The following NDST3 variants were observed in gnomAD, a reference collection of about 807,000 sequenced individuals.
NDST3 encodes N-deacetylase and N-sulfotransferase 3.
NDST3 carries 58 observed loss-of-function variants against 96.1 expected under a neutral mutation model. That is an observed-to-expected ratio of 0.60 (90% CI 0.49 to 0.75). NDST3 has a LOEUF of 0.75. Ranked by LOEUF, NDST3 falls within the 30% of genes least tolerant of loss-of-function variation. The probability of loss-of-function intolerance (pLI) is 0.00; values close to 1 mark genes in which losing one functional copy is unlikely to be tolerated. For missense variants in NDST3, 788 were observed against 1,034.2 expected (o/e 0.76, Z 3.27); for synonymous variants, 333 against 359.7 (o/e 0.93, Z 0.84).
At chr4:118,153,653 G>C (rs986323685) in intron 6 of NDST3, among the ~76,000 whole-genome samples, 1 of 151,956 alleles carries the variant, frequency 6.6e-6, no homozygotes, top group Non-Finnish European at 1.5e-5. Flanking sequence ...GTGAAACCCA[G>C]TCTATACTAA....
At chr4:118,130,072 G>C (rs1440983129) in intron 4 of NDST3, among the ~76,000 whole-genome samples, 2 of 151,982 alleles carry the variant, frequency 1.3e-5, no homozygotes, top group African/African-American at 4.8e-5. Context: ...CAGTCTATGT[G>C]TATCTTTATA....
At position 118,257,048 on chromosome 4, in the gene NDST3, ACATTTC is replaced by A. The variant is rs1318654906; in HGVS notation, c.*1337_*1342del. On this transcript the variant is annotated 3_prime_UTR_variant, in exon 14 of 14. Coordinates refer to ENST00000296499, the MANE Select transcript of NDST3 (RefSeq NM_004784.3). The stretch of plus-strand genomic sequence containing the variant: ...CAAGTCATGCTCTTGAAATATATTT[ACATTTC>A]AATTGTAAATAATATATATGGTTAA... 6.6e-6 allele frequency: 1 copy of A among 152,214 alleles called. No homozygotes were observed. The highest frequency in any genetic ancestry group is 1.5e-5 in the Non-Finnish European group (1 of 68,040). 9.4% of individuals were successfully genotyped at this position (152,214 alleles called of 1,614,324 possible).
chr4:118,128,914 G>A (rs1732357669), intron 4 of NDST3, among the ~76,000 whole-genome samples: 1 of 151,860 alleles, frequency 6.6e-6, no homozygotes, highest in Non-Finnish European at 1.5e-5. Context: ...TTCAATTTTG[G>A]TAGGTTGTAT....
At chr4:118,055,086 T>G (rs1351257810) in intron 2 of NDST3, 195 bp downstream of exon 2, 1 of 702,674 alleles carries the variant, frequency 1.4e-6, no homozygotes, top group South Asian at 1.8e-5. Flanking sequence ...AAAATAAAGA[T>G]TTTACTAAAA....
chr4:118,182,423 G>GT (rs1273972093), intron 6 of NDST3, among the ~76,000 whole-genome samples: 1 of 152,134 alleles, frequency 6.6e-6, no homozygotes, highest in East Asian at 1.9e-4. Flanking sequence ...GCCACAGGTA[G>GT]TAATGACAGT....
chr4:118,096,264 G>A (rs1290803611), intron 2 of NDST3, among the ~76,000 whole-genome samples: 1 of 151,796 alleles, frequency 6.6e-6, no homozygotes, highest in East Asian at 1.9e-4. Context: ...TGTATTGAAT[G>A]CATGTCACTT....
intron 6 of NDST3, among the ~76,000 whole-genome samples, chr4:118,156,215 C>T (rs1387658736): frequency 2.0e-5 from 3 of 152,122 alleles, no homozygotes; most frequent in South Asian, 4.1e-4. Flanking sequence ...TACTATCTCA[C>T]TCTATGTCTT....
At chr4:118,185,294 T>C (rs1736871868) in intron 6 of NDST3, among the ~76,000 whole-genome samples, 1 of 152,040 alleles carries the variant, frequency 6.6e-6, no homozygotes, top group African/African-American at 2.4e-5. Context: ...TAATTGTCTA[T>C]GCATTTAAAT....
chr4:118,204,907 T>C lies in NDST3; in HGVS notation c.1540-19584T>C, dbSNP rs1039320119. ...AAATATAGTTGCTTATCATTTTCAGTGTGAAATTAGAGTCAACAAACCCAT... is the reference window on the plus strand; with the variant it reads ...AAATATAGTTGCTTATCATTTTCAGCGTGAAATTAGAGTCAACAAACCCAT... On this transcript the variant is annotated intron_variant, in intron 6 of 13. Transcript: ENST00000296499. Among the ~76,000 whole-genome samples, 3 of 144,470 alleles carry C rather than the reference T, an allele frequency of 2.1e-5. 1 individual carries two copies. The highest frequency in any genetic ancestry group is 5.1e-5 in the African/African-American group (2 of 39,130). 94.8% of individuals were successfully genotyped at this position (144,470 alleles called of 152,430 possible). A position where few individuals can be genotyped will look rare whatever the true frequency, so the allele number is the denominator to read the frequency against.
intron 12 of NDST3, among the ~76,000 whole-genome samples, 172 bp from the exon 13 acceptor site, chr4:118,253,327 T>C (rs1280538993): frequency 1.3e-5 from 2 of 152,196 alleles, no homozygotes; most frequent in Admixed American, 6.5e-5. Flanking sequence ...GCCAAAAGAC[T>C]TTATGCAAAG....
intron 6 of NDST3, among the ~76,000 whole-genome samples, chr4:118,165,430 A>C (rs1304363110): frequency 6.6e-6 from 1 of 152,130 alleles, no homozygotes; most frequent in East Asian, 1.9e-4. Context: ...TATGTGTAAT[A>C]ATCATTGAGA....
At chr4:118,095,091 A>G (rs1390506548) in intron 2 of NDST3, among the ~76,000 whole-genome samples, 1 of 151,928 alleles carries the variant, frequency 6.6e-6, no homozygotes, top group Non-Finnish European at 1.5e-5. Flanking sequence ...TTTTAAAAAA[A>G]AGAAAAAAGA....
In NDST3 at chr4:118,082,832, A is replaced by T. The variant is rs143595574; in HGVS notation, c.982-22186A>T. Among the ~76,000 whole-genome samples, 1,008 of 152,298 alleles carry T rather than the reference A, an allele frequency of 6.6e-3. 8 individuals are homozygous for T. The highest frequency in any genetic ancestry group is 0.023 in the African/African-American group (966 of 41,570). ...TGACTCACCGTTCCATGGGCTGTAC[A>T]GGAAGCATGGCTGGGGAGGCCTCAG... On this transcript the variant is annotated intron_variant, in intron 2 of 13. Transcript: ENST00000296499.
Position 118,123,637 on chromosome 4 carries a change from A to C in NDST3, c.1224+8677A>C, listed in dbSNP as rs111369101. ...AAAAATACCAACCTGGGCTGTGCAA[A>C]GTACAAGTGTTTACATGATTCTTTT... On this transcript the variant is annotated intron_variant, in intron 4 of 13. Transcript: ENST00000296499. Among the ~76,000 whole-genome samples the C allele has an allele frequency of 6.7e-4, 102 of 152,270 alleles. 1 individual carries two copies. The highest frequency in any genetic ancestry group is 2.2e-3 in the African/African-American group (93 of 41,572).
At chr4:118,196,641 C>T (rs1223542996) in intron 6 of NDST3, among the ~76,000 whole-genome samples, 3 of 152,022 alleles carry the variant, frequency 2.0e-5, no homozygotes, top group Non-Finnish European at 4.4e-5. Context: ...CATACAGTTG[C>T]TCACAGTAGC....
Position 118,143,656 on chromosome 4 carries a change from A to T in NDST3, c.1511A>T (p.Glu504Val), listed in dbSNP as rs761988786. The T allele has an allele frequency of 1.2e-5, 19 of 1,604,636 alleles. No individual in the cohort carries two copies. Among genetic ancestry groups the T allele is most frequent in the Non-Finnish European group, 1.4e-5 (16 of 1,177,250 alleles). Reference sequence around the variant, plus strand: ...CTGGATAAGAGTATCCAAGGAGGAGAACTTTTCTTCACTGTCGTCCTCAAC... The same window carrying T: ...CTGGATAAGAGTATCCAAGGAGGAGTACTTTTCTTCACTGTCGTCCTCAAC... ...KELDKSIQGG[E>V]LFFTVVLNPI... Residue 504 changes from glutamate (E) to valine (V), a missense_variant, in exon 6 of 14, where the codon GAA becomes GTA. Physicochemically the swap from Glu to Val is moderately radical, Grantham distance 121 (BLOSUM62 -2). Coordinates refer to ENST00000296499, the MANE Select transcript of NDST3 (RefSeq NM_004784.3).
chr4:118,123,261 T>C (rs986462100), intron 4 of NDST3, among the ~76,000 whole-genome samples: 5 of 152,118 alleles, frequency 3.3e-5, no homozygotes, highest in African/African-American at 1.2e-4. Flanking sequence ...TTTTTATGCT[T>C]TCAGAAATAT....
At chr4:118,053,020 G>A (rs1277340864) in intron 1 of NDST3, among the ~76,000 whole-genome samples, 1 of 151,946 alleles carries the variant, frequency 6.6e-6, no homozygotes, top group Non-Finnish European at 1.5e-5. Flanking sequence ...TATAGAAAGT[G>A]AATCAATAGG....
intron 2 of NDST3, among the ~76,000 whole-genome samples, chr4:118,068,758 G>A (rs1234548367): frequency 6.6e-6 from 1 of 151,934 alleles, no homozygotes; most frequent in Non-Finnish European, 1.5e-5. Flanking sequence ...ATTTTTTCCT[G>A]TAGAAAGTAT....
Sources: gnomAD v4.1 joint callset for allele counts (sites outside exome capture counted in the v4.1 genomes callset) on GRCh38, gnomAD v4.1.1 for gene constraint, MANE v1.5 for transcripts, NCBI Gene and HGNC (gene_info 2026-07-23, HGNC 2026-07-21) for gene names.